The following TMEM266 variants were observed in gnomAD, a reference collection of about 807,000 sequenced individuals.
TMEM266 encodes the protein Hv1 related protein 1.
Under a neutral mutation model 50.5 loss-of-function variants are expected in TMEM266, and 33 were observed. The observed-to-expected ratio is 0.65, with a 90% CI of 0.50 to 0.87. The LOEUF (loss-of-function observed/expected upper bound fraction) is 0.87. TMEM266 is among the 40% of genes least tolerant of loss of function. The pLI, the probability that TMEM266 is intolerant of heterozygous loss-of-function variation, is 0.00. For synonymous variants in TMEM266, 310 were observed against 292.3 expected (o/e 1.06, Z -0.62); for missense variants, 655 against 695.1 (o/e 0.94, Z 0.65).
chr15:76,197,679 T>C (rs756147249), intron 9 of TMEM266, among the ~76,000 whole-genome samples: 7 of 152,214 alleles, frequency 4.6e-5, no homozygotes, highest in Non-Finnish European at 7.3e-5. Context: ...GAAGAGCAAG[T>C]TGGAGTTTAG....
intron 1 of TMEM266, among the ~76,000 whole-genome samples, chr15:76,085,669 A>C: frequency 6.6e-6 from 1 of 152,240 alleles, no homozygotes; most frequent in East Asian, 1.9e-4. Flanking sequence ...AGTCTCTTAT[A>C]AAGTTAAACA....
chr15:76,189,512 A>T (rs921624110), intron 8 of TMEM266, among the ~76,000 whole-genome samples: 1 of 152,190 alleles, frequency 6.6e-6, no homozygotes, highest in Non-Finnish European at 1.5e-5. Context: ...AGAGTGGGGC[A>T]TGTGTCACTA....
chr15:76,076,573 G>A (rs2036610631), intron 1 of TMEM266, among the ~76,000 whole-genome samples: 1 of 152,038 alleles, frequency 6.6e-6, no homozygotes, highest in Non-Finnish European at 1.5e-5. Flanking sequence ...CTCAGGAAGA[G>A]TTTACCAATT....
chr15:76,136,179 G>A (rs1418907823), intron 2 of TMEM266, among the ~76,000 whole-genome samples: 1 of 152,188 alleles, frequency 6.6e-6, no homozygotes, highest in Non-Finnish European at 1.5e-5. Flanking sequence ...CTAACCTCAG[G>A]TGATCCACCT....
At chr15:76,135,135 C>T (rs1194144667) in intron 2 of TMEM266, among the ~76,000 whole-genome samples, 1 of 152,184 alleles carries the variant, frequency 6.6e-6, no homozygotes, top group Non-Finnish European at 1.5e-5. Flanking sequence ...AGTCACATGG[C>T]TGAATGCTGA....
rs1010143743 is a variant in TMEM266, at chr15:76,160,783, C to T, written c.456+615C>T. Among the ~76,000 whole-genome samples, 12 of 152,008 alleles carry T rather than the reference C, an allele frequency of 7.9e-5. No homozygotes were observed. Among genetic ancestry groups the T allele is most frequent in the Non-Finnish European group, 8.8e-5 (6 of 67,998 alleles). On this transcript the variant is annotated intron_variant, in intron 5 of 10. Transcript: ENST00000388942. The surrounding 1 kb of genome is among the most constrained non-coding windows in gnomAD (Gnocchi z 5.7). ...GGATCGCCGTCAGCGTTGCTGGAGT[C>T]GGCTAGTAGAGACCAAGTGCGAATC...
intron 1 of TMEM266, among the ~76,000 whole-genome samples, chr15:76,095,254 C>A (rs1358558665): frequency 6.6e-6 from 1 of 152,010 alleles, no homozygotes; most frequent in Non-Finnish European, 1.5e-5. Context: ...GTGGGTTTGT[C>A]ATAAATAGCT....
intron 1 of TMEM266, among the ~76,000 whole-genome samples, chr15:76,100,381 A>C (rs1011450426): frequency 3.3e-5 from 5 of 152,218 alleles, no homozygotes; most frequent in African/African-American, 1.2e-4. Context: ...AGTTTCCTCC[A>C]AAAGCTTCTC....
intron 3 of TMEM266, among the ~76,000 whole-genome samples, chr15:76,154,406 G>T (rs1008351732): frequency 6.6e-6 from 1 of 152,122 alleles, no homozygotes. Flanking sequence ...GAAAGATGTG[G>T]TTCTGCAATG....
intron 1 of TMEM266, chr15:76,111,899 T>A (rs1420201707): frequency 6.6e-6 from 1 of 152,238 alleles, no homozygotes; most frequent in Admixed American, 6.5e-5. Flanking sequence ...CATAGATGAA[T>A]GGGTAAACAA....
chr15:76,099,210 G>T (rs1355416689), intron 1 of TMEM266, among the ~76,000 whole-genome samples: 4 of 152,224 alleles, frequency 2.6e-5, no homozygotes, highest in African/African-American at 9.6e-5. Context: ...GGGCCCTGCT[G>T]GGGAAGGCAT....
intron 8 of TMEM266, chr15:76,176,113 C>T (rs2038272932): frequency 6.0e-6 from 1 of 165,352 alleles, no homozygotes; most frequent in Non-Finnish European, 1.3e-5. Context: ...TCTCTACCCT[C>T]CAGGAGATGT....
chr15:76,175,469 A>G, intron 7 of TMEM266, 90 bp from the exon 8 acceptor site: 1 of 986,386 alleles, frequency 1.0e-6, no homozygotes, highest in Non-Finnish European at 1.6e-6. Context: ...AGGGCCTCGA[A>G]CCTGCTGCTG....
chr15:76,187,943 G>A (rs1044709470), intron 8 of TMEM266, among the ~76,000 whole-genome samples: 3 of 152,140 alleles, frequency 2.0e-5, no homozygotes, highest in African/African-American at 2.4e-5. Flanking sequence ...CTGTTGGTTC[G>A]CAGATGATAT....
At chr15:76,187,868 T>A (rs2038511615) in intron 8 of TMEM266, among the ~76,000 whole-genome samples, 3 of 152,234 alleles carry the variant, frequency 2.0e-5, no homozygotes, top group Admixed American at 1.3e-4. Flanking sequence ...CATTGATTTG[T>A]TCATGTATTC....
intron 1 of TMEM266, among the ~76,000 whole-genome samples, chr15:76,095,576 T>C (rs2036910646): frequency 6.6e-6 from 1 of 152,048 alleles, no homozygotes; most frequent in Admixed American, 6.6e-5. Flanking sequence ...TGAAATTTTC[T>C]TTTTTTATTG....
At chr15:76,180,607 CTTTTT>C (rs59287886) in intron 8 of TMEM266, among the ~76,000 whole-genome samples, 3 of 63,170 alleles carry the variant, frequency 4.7e-5, no homozygotes, top group Admixed American at 2.8e-4. Flanking sequence ...TCATCTTAAG[CTTTTT>C]TTTTTTTTTT....
intron 8 of TMEM266, 78 bp downstream of exon 8, chr15:76,175,752 A>G: frequency 8.4e-7 from 1 of 1,188,042 alleles, no homozygotes; most frequent in East Asian, 2.4e-5. Context: ...GGGTTGCTAG[A>G]GCTGCAGGGG....
chr15:76,199,107 CA>C (rs1474222490), intron 9 of TMEM266, among the ~76,000 whole-genome samples: 3 of 152,194 alleles, frequency 2.0e-5, no homozygotes, highest in Non-Finnish European at 4.4e-5. Flanking sequence ...GTCACAGGGC[CA>C]GGGGTCCCTC....
Sources: gnomAD v4.1 joint callset for allele counts (sites outside exome capture counted in the v4.1 genomes callset) on GRCh38, gnomAD v4.1.1 for gene constraint, Gnocchi (gnomAD v3.1) non-coding constraint, MANE v1.5 for transcripts, NCBI Gene and HGNC (gene_info 2026-07-23, HGNC 2026-07-21) for gene names.